NSUN2: variants seen among roughly 807,000 people sequenced by gnomAD.
NSUN2 encodes RNA cytosine C(5)-methyltransferase NSUN2.
In NSUN2, 63 loss-of-function variants were observed where a neutral mutation model predicts 92.7. The ratio of observed to expected loss-of-function variants is 0.68; its 90% CI spans 0.56 to 0.84. The LOEUF is 0.84. Among genes scored for constraint, NSUN2 ranks in the 40% least tolerant of loss-of-function variants. The probability of loss-of-function intolerance (pLI) is 0.00; values close to 1 mark genes in which losing one functional copy is unlikely to be tolerated. For missense variants in NSUN2, 989 were observed against 964.9 expected, an observed-to-expected ratio of 1.02 and a Z score of -0.33; for synonymous variants, 356 against 348.3, an observed-to-expected ratio of 1.02 and a Z score of -0.25.
At chr5:6,604,407 A>T in intron 16 of NSUN2, 131 bp from the exon 17 acceptor site, 1 of 961,772 alleles carries the variant, frequency 1.0e-6, no homozygotes, top group Non-Finnish European at 1.5e-6. Flanking sequence ...CCCCTTGGAC[A>T]GGTGTGGAAC....
At chr5:6,624,810 AG>A (rs1737584034) in intron 4 of NSUN2, among the ~76,000 whole-genome samples, 1 of 63,548 alleles carries the variant, frequency 1.6e-5, no homozygotes, top group Non-Finnish European at 3.7e-5. Context: ...GTAGTAGTTT[AG>A]AAAATAGGAA....
Position 6,609,885 on chromosome 5 carries a change from AC to A in NSUN2, c.1263del (p.Phe423LeufsTer6). ...TTTTTCACCAATACTGCCACAAAAAACCCTCCAGTATTCTGATGATGGGGTA... is the reference window on the plus strand; with the variant it reads ...TTTTTCACCAATACTGCCACAAAAAACCTCCAGTATTCTGATGATGGGGTA... ...RILPHHQNTG[G>X]FFVAVLVKKS... On this transcript the variant is annotated frameshift_variant, in exon 12 of 19. Transcript: ENST00000264670. LOFTEE classifies it high-confidence loss of function. 6.2e-7 allele frequency: 1 copy of A among 1,613,720 alleles called. No individual in the cohort carries two copies. The highest frequency in any genetic ancestry group is 1.1e-5 in the South Asian group (1 of 91,040).
chr5:6,619,423 T>C (rs1296890472), intron 7 of NSUN2, among the ~76,000 whole-genome samples: 1 of 152,214 alleles, frequency 6.6e-6, no homozygotes, highest in Non-Finnish European at 1.5e-5. Flanking sequence ...CAAACTTATG[T>C]CATTCAGAAG....
intron 5 of NSUN2, 40 bp from the exon 6 acceptor site, chr5:6,622,140 AC>A: frequency 6.7e-7 from 1 of 1,482,796 alleles, no homozygotes; most frequent in Non-Finnish European, 9.4e-7. Context: ...TTTTTAAAAA[AC>A]CAAATATTCT....
At position 6,608,317 on chromosome 5, in the gene NSUN2, T is replaced by C. The variant is rs190254843; in HGVS notation, c.1324-933A>G. Among the ~76,000 whole-genome samples, 7 of 152,360 alleles carry C rather than the reference T, an allele frequency of 4.6e-5. No homozygotes were observed. In the East Asian group the frequency reaches 1.3e-3, roughly 29 times the overall value. On this transcript the variant is annotated intron_variant, in intron 12 of 18. Coordinates refer to ENST00000264670, the MANE Select transcript of NSUN2 (RefSeq NM_017755.6). ...AGGGCATGTTCTCCCATCTCTGTTC[T>C]ACCTCAACAACCTCATTCTGGGACC...
chr5:6,631,994 A>G lies in NSUN2; in HGVS notation c.255-17T>C, dbSNP rs770217210. On this transcript the variant is annotated splice_polypyrimidine_tract_variant and intron_variant, in intron 2 of 18. Coordinates refer to ENST00000264670, the MANE Select transcript of NSUN2 (RefSeq NM_017755.6). ...TTTGCGTGGCTATTGAAAAATAAGGAAGTTTCAAACTGATCTAAAAAACTA... is the reference window on the plus strand; with the variant it reads ...TTTGCGTGGCTATTGAAAAATAAGGGAGTTTCAAACTGATCTAAAAAACTA... 6.9e-6 allele frequency: 11 copies of G among 1,583,310 alleles called. No homozygotes were observed. Among genetic ancestry groups the G allele is most frequent in the Non-Finnish European group, 8.7e-6 (10 of 1,154,586 alleles).
intron 8 of NSUN2, among the ~76,000 whole-genome samples, chr5:6,617,410 T>TA (rs1737254288): frequency 6.6e-6 from 1 of 152,208 alleles, no homozygotes; most frequent in African/African-American, 2.4e-5. Flanking sequence ...ACAGACAGCA[T>TA]GATCAAAAGT....
rs138353737 is a variant in NSUN2, at chr5:6,613,053, A to G, written c.1022-1255T>C. Among the ~76,000 whole-genome samples, 310 of 152,344 alleles carry G rather than the reference A, an allele frequency of 2.0e-3. 2 individuals are homozygous for G. Among genetic ancestry groups the G allele is most frequent in the African/African-American group, 7.3e-3 (305 of 41,570 alleles). On this transcript the variant is annotated intron_variant, in intron 9 of 18. Transcript: ENST00000264670. ...CAGAGAAAAGGGAGGAAGCATCTACAATACGGTCTGAAGCCACCCACATGC... is the reference window on the plus strand; with the variant it reads ...CAGAGAAAAGGGAGGAAGCATCTACGATACGGTCTGAAGCCACCCACATGC...
rs1368809548 is a variant in NSUN2 at position 6,611,714 on chromosome 5, G to C, written c.1095+11C>G. The C allele has an allele frequency of 6.2e-7, 1 of 1,613,398 alleles. No homozygotes were observed. Among genetic ancestry groups the C allele is most frequent in the East Asian group, 2.2e-5 (1 of 44,882 alleles). On this transcript the variant is annotated intron_variant, in intron 10 of 18. Coordinates refer to ENST00000264670, the MANE Select transcript of NSUN2 (RefSeq NM_017755.6). ...TACTCTTTAGAATGAAAGTTCTCGAGGAAAGGTTACCTTCCACTGTGTGAT... is the reference window on the plus strand; with the variant it reads ...TACTCTTTAGAATGAAAGTTCTCGACGAAAGGTTACCTTCCACTGTGTGAT...
intron 17 of NSUN2, chr5:6,603,846 C>T: frequency 3.4e-6 from 1 of 296,224 alleles, no homozygotes; most frequent in South Asian, 5.7e-5. Context: ...CTCTCTGGCC[C>T]AGCAAGGTGA....
chr5:6,602,657 G>A (rs1214684107), intron 17 of NSUN2, among the ~76,000 whole-genome samples, 157 bp from the exon 18 acceptor site: 1 of 152,158 alleles, frequency 6.6e-6, no homozygotes, highest in African/African-American at 2.4e-5. Flanking sequence ...GGTGAAAAGA[G>A]GCCGTCTGGA....
In NSUN2 at chr5:6,599,704, A is replaced by C; in HGVS notation, c.*222T>G. ...CCAGCTTGGCCAAAGAAACAAAATA[A>C]AACAAGTGATTTCTAACACGCTAAA... On this transcript the variant is annotated 3_prime_UTR_variant, in exon 19 of 19. Coordinates refer to ENST00000264670, the MANE Select transcript of NSUN2 (RefSeq NM_017755.6). 1.9e-6 allele frequency: 1 copy of C among 513,606 alleles called. No homozygotes were observed. Among genetic ancestry groups the C allele is most frequent in the East Asian group, 3.0e-5 (1 of 33,028 alleles). 31.8% of individuals were successfully genotyped at this position (513,606 alleles called of 1,614,324 possible). A position where few individuals can be genotyped will look rare whatever the true frequency, so the allele number is the denominator to read the frequency against.
At chr5:6,605,046 G>C in intron 15 of NSUN2, 1 of 628,614 alleles carries the variant, frequency 1.6e-6, no homozygotes, top group South Asian at 2.0e-5. Flanking sequence ...CTGCGGGAAT[G>C]GGGCACAGAA....
rs777222975 is a variant in NSUN2, at chr5:6,599,925, C to T, written c.*1G>A. Reference sequence around the variant, plus strand: ...GTGGGCCCCCGCTGCCTTGGGCCTGCTCACCGGGGTGGATGGACCCCCGCC... The same window carrying T: ...GTGGGCCCCCGCTGCCTTGGGCCTGTTCACCGGGGTGGATGGACCCCCGCC... On this transcript the variant is annotated 3_prime_UTR_variant, in exon 19 of 19. Coordinates refer to ENST00000264670, the MANE Select transcript of NSUN2 (RefSeq NM_017755.6). 1.2e-6 allele frequency: 2 copies of T among 1,611,552 alleles called. No homozygotes were observed. Among genetic ancestry groups the T allele is most frequent in the South Asian group, 1.1e-5 (1 of 91,002 alleles).
intron 6 of NSUN2, chr5:6,621,230 T>C (rs924919533): frequency 4.6e-5 from 7 of 152,164 alleles, no homozygotes; most frequent in Non-Finnish European, 8.8e-5. Flanking sequence ...ATTCGTCCCA[T>C]TTCACATGGG....
chr5:6,616,986 AG>A, intron 8 of NSUN2, 129 bp from the exon 9 acceptor site: 1 of 729,164 alleles, frequency 1.4e-6, no homozygotes, highest in Non-Finnish European at 2.1e-6. Context: ...AAAACCTTCC[AG>A]GGATCTAAAT....
chr5:6,615,042 C>T (rs139526304), intron 9 of NSUN2, among the ~76,000 whole-genome samples: 196 of 152,214 alleles, frequency 1.3e-3, no homozygotes, highest in African/African-American at 4.3e-3. Context: ...AAAGAATCTA[C>T]AAACATTTGA....
intron 10 of NSUN2, among the ~76,000 whole-genome samples, chr5:6,611,448 T>TGAAAAAAAAAAAAAAAAAAAAAAAA (rs1736984882): frequency 1.2e-5 from 1 of 86,072 alleles, no homozygotes. Flanking sequence ...CGGCCCAATT[T>TGAAAAAAAAAAAAAAAAAAAAAAAA]AAAAAAAAAA....
rs1736456704 is a variant in NSUN2, at chr5:6,599,557, A to G, written c.*369T>C. On this transcript the variant is annotated 3_prime_UTR_variant, in exon 19 of 19. Coordinates refer to ENST00000264670, the MANE Select transcript of NSUN2 (RefSeq NM_017755.6). ...CTTTCTATAAATAATAATTTAAAAA[A>G]TACTGCACCTTAAGACCAATACAGG... The G allele has an allele frequency of 2.3e-5, 4 of 173,562 alleles. No individual in the cohort carries two copies. Among genetic ancestry groups the G allele is most frequent in the Middle Eastern group, 2.5e-3 (1 of 404 alleles). The allele number at this position is 173,562 out of a possible 1,614,324, so 10.8% of individuals were successfully genotyped here.
Sources: gnomAD v4.1 joint callset for allele counts (sites outside exome capture counted in the v4.1 genomes callset) on GRCh38, gnomAD v4.1.1 for gene constraint, MANE v1.5 for transcripts, NCBI Gene and HGNC (gene_info 2026-07-23, HGNC 2026-07-21) for gene names.